The following BLTP3A variants were observed in gnomAD, a reference collection of about 807,000 sequenced individuals.
BLTP3A encodes the protein ICBP90 binding protein 1.
At chr6:34,817,870 G>C in the BLTP3A span, among the ~76,000 whole-genome samples, 9 of 109,090 alleles carry the variant, frequency 8.3e-5, no homozygotes, top group Admixed American at 1.7e-4. Context: ...TTTTTTTTTG[G>C]GGGGGTGGAG....
At chr6:34,802,062 A>G in the BLTP3A span, among the ~76,000 whole-genome samples, 2 of 152,116 alleles carry the variant, frequency 1.3e-5, no homozygotes, top group East Asian at 1.9e-4. Flanking sequence ...TATAGTGAAT[A>G]TTTTAGGAAA....
At chr6:34,863,985 T>G in the BLTP3A span, 27 of 1,260,062 alleles carry the variant, frequency 2.1e-5, no homozygotes, top group South Asian at 4.8e-5. Context: ...GTGGTTTTTG[T>G]TTTTTTTTTT....
chr6:34,839,343 T>C, the BLTP3A span, among the ~76,000 whole-genome samples: 3 of 51,722 alleles, frequency 5.8e-5, no homozygotes, highest in Non-Finnish European at 3.4e-5. Flanking sequence ...TGTAACTCTT[T>C]CTCTGGGATT....
the BLTP3A span, among the ~76,000 whole-genome samples, chr6:34,847,457 CTT>C: frequency 8.5e-3 from 1,290 of 152,096 alleles, 19 homozygotes; most frequent in African/African-American, 0.027. Flanking sequence ...TGCTGGGAGA[CTT>C]TTTATTATAC....
chr6:34,829,545 G>A, the BLTP3A span, among the ~76,000 whole-genome samples: 1 of 152,098 alleles, frequency 6.6e-6, no homozygotes, highest in Non-Finnish European at 1.5e-5. Context: ...ACATATGTTT[G>A]TAGTTCATTC....
At chr6:34,836,210 A>C in the BLTP3A span, 1 of 1,614,200 alleles carries the variant, frequency 6.2e-7, no homozygotes, top group African/African-American at 1.3e-5. Context: ...ATTTGGTGGC[A>C]GCCAGGGCAA....
At chr6:34,819,061 T>G in the BLTP3A span, among the ~76,000 whole-genome samples, 1 of 152,014 alleles carries the variant, frequency 6.6e-6, no homozygotes, top group Admixed American at 6.5e-5. Flanking sequence ...CAAAATACCA[T>G]TCATGATTGG....
chr6:34,867,164 G>A, the BLTP3A span: 3 of 1,496,274 alleles, frequency 2.0e-6, no homozygotes, highest in Admixed American at 4.7e-5. Context: ...ATTGTTTGTA[G>A]AGGTTGGATT....
the BLTP3A span, among the ~76,000 whole-genome samples, chr6:34,852,961 A>G: frequency 6.6e-6 from 1 of 152,122 alleles, no homozygotes; most frequent in African/African-American, 2.4e-5. Context: ...TTCCAATGCA[A>G]AGTCCCATAA....
At chr6:34,867,151 G>T in the BLTP3A span, 1 of 1,449,454 alleles carries the variant, frequency 6.9e-7, no homozygotes. Flanking sequence ...TTTTACAGTT[G>T]TCATTGTTTG....
the BLTP3A span, among the ~76,000 whole-genome samples, chr6:34,816,033 A>G: frequency 3.3e-5 from 5 of 152,244 alleles, no homozygotes; most frequent in African/African-American, 1.2e-4. Flanking sequence ...AAAACTGGCA[A>G]GGTTAGGATG....
At chr6:34,798,972 C>T in the BLTP3A span, among the ~76,000 whole-genome samples, 14 of 152,022 alleles carry the variant, frequency 9.2e-5, no homozygotes, top group Admixed American at 3.3e-4. Flanking sequence ...GACAGGGTCT[C>T]GCTCTGTTGC....
At chr6:34,866,272 C>T in the BLTP3A span, among the ~76,000 whole-genome samples, 4 of 152,050 alleles carry the variant, frequency 2.6e-5, no homozygotes, top group Non-Finnish European at 4.4e-5. Flanking sequence ...GGGATGGTGG[C>T]GTGCGCCTGT....
At chr6:34,796,081 AAG>A in the BLTP3A span, among the ~76,000 whole-genome samples, 11 of 152,234 alleles carry the variant, frequency 7.2e-5, no homozygotes, top group Non-Finnish European at 1.5e-4. Context: ...CTGATGGGGA[AAG>A]AGAGAGACGG....
At chr6:34,876,142 A>G in the BLTP3A span, 1 of 152,680 alleles carries the variant, frequency 6.5e-6, no homozygotes, top group Non-Finnish European at 1.5e-5. Context: ...ATGGCTATCA[A>G]TCCCAAATTC....
chr6:34,821,424 T>TG, the BLTP3A span: 1 of 362,382 alleles, frequency 2.8e-6, no homozygotes, highest in South Asian at 7.3e-5. Flanking sequence ...AGAGATGGTG[T>TG]GGTCTGAGTG....
chr6:34,813,132 G>C, the BLTP3A span, among the ~76,000 whole-genome samples: 1 of 152,204 alleles, frequency 6.6e-6, no homozygotes, highest in Non-Finnish European at 1.5e-5. Context: ...TCGACTGACT[G>C]TTGCAACTTA....
At chr6:34,858,777 G>C in the BLTP3A span, 1 of 1,614,200 alleles carries the variant, frequency 6.2e-7, no homozygotes, top group Non-Finnish European at 8.5e-7. Context: ...AAGGGCCTCT[G>C]ACAGAGCTGG....
the BLTP3A span, among the ~76,000 whole-genome samples, chr6:34,860,749 G>T: frequency 6.6e-6 from 1 of 152,340 alleles, no homozygotes; most frequent in Middle Eastern, 3.4e-3. Flanking sequence ...CTTGTGAGTG[G>T]TGGGGCAAGG....
Sources: gnomAD v4.1 joint callset for allele counts (sites outside exome capture counted in the v4.1 genomes callset) on GRCh38, gnomAD v4.1.1 for gene constraint, MANE v1.5 for transcripts, NCBI Gene and HGNC (gene_info 2026-07-23, HGNC 2026-07-21) for gene names.